The following HECW2 variants were observed in gnomAD, a reference collection of about 807,000 sequenced individuals.
HECW2 encodes the protein E3 ubiquitin-protein ligase HECW2.
Under a neutral mutation model 175.2 loss-of-function variants are expected in HECW2, and 61 were observed. The ratio of observed to expected loss-of-function variants is 0.35; its 90% CI spans 0.28 to 0.43. The LOEUF is 0.43. Among genes scored for constraint, HECW2 ranks in the 20% least tolerant of loss-of-function variants. HECW2 has a pLI of 1.00. For synonymous variants in HECW2, 671 were observed against 731.0 expected, an observed-to-expected ratio of 0.92 and a Z score of 1.32; for missense variants, 1,524 against 2,000.5, an observed-to-expected ratio of 0.76 and a Z score of 4.54.
chr2:196,440,710 T>C (rs1253752371), intron 1 of HECW2, among the ~76,000 whole-genome samples: 1 of 152,174 alleles, frequency 6.6e-6, no homozygotes, highest in Non-Finnish European at 1.5e-5. Flanking sequence ...CAGAAAATTA[T>C]CCACGTTCTT....
intron 1 of HECW2, among the ~76,000 whole-genome samples, chr2:196,527,131 C>T (rs1055836987): frequency 1.3e-5 from 2 of 152,224 alleles, no homozygotes; most frequent in Admixed American, 6.5e-5. Context: ...ATCAGCGAGA[C>T]TCCGTGAGCC....
At chr2:196,406,605 T>C (rs765663129) in intron 2 of HECW2, among the ~76,000 whole-genome samples, 1 of 152,226 alleles carries the variant, frequency 6.6e-6, no homozygotes, top group Non-Finnish European at 1.5e-5. Context: ...AAACTCCTTA[T>C]GTTGGTTGAC....
Position 196,517,338 on chromosome 2 carries a change from C to T in HECW2, c.-36+76170G>A, listed in dbSNP as rs1330928545. ...GGAGAAAATTAGAGAAGAATCATAC[C>T]CTTTATACTAAATCACTTTCAAACT... On this transcript the variant is annotated intron_variant, in intron 1 of 28. Coordinates refer to ENST00000644978, the MANE Select transcript of HECW2 (RefSeq NM_001348768.2). Among the ~76,000 whole-genome samples the T allele has an allele frequency of 2.6e-5, 4 of 152,014 alleles. No individual in the cohort carries two copies. In the East Asian group the frequency reaches 5.8e-4, roughly 22 times the overall value.
intron 2 of HECW2, among the ~76,000 whole-genome samples, chr2:196,392,077 AG>A (rs1287084878): frequency 6.6e-6 from 1 of 152,238 alleles, no homozygotes; most frequent in East Asian, 1.9e-4. Context: ...AGATTCAGGA[AG>A]ACATGACTTA....
chr2:196,563,304 G>A (rs1482836385), intron 1 of HECW2, among the ~76,000 whole-genome samples: 2 of 151,866 alleles, frequency 1.3e-5, no homozygotes, highest in East Asian at 1.9e-4. Context: ...GGTGGCTCAC[G>A]CTTGTAATCC....
At chr2:196,371,764 G>A (rs1274981927) in intron 2 of HECW2, among the ~76,000 whole-genome samples, 3 of 152,278 alleles carry the variant, frequency 2.0e-5, no homozygotes, top group South Asian at 4.1e-4. Context: ...GAGAAGAACC[G>A]GCCTTCTTGG....
At chr2:196,305,872 C>T (rs988877599) in intron 13 of HECW2, among the ~76,000 whole-genome samples, 2 of 152,170 alleles carry the variant, frequency 1.3e-5, no homozygotes, top group African/African-American at 4.8e-5. Context: ...TTCTAAATCA[C>T]TTCATGTGCA....
chr2:196,217,419 C>T, intron 26 of HECW2: 1 of 220,324 alleles, frequency 4.5e-6, no homozygotes, highest in Non-Finnish European at 9.0e-6. Context: ...AAATACTTAA[C>T]TCTTTCGGTC....
intron 14 of HECW2, among the ~76,000 whole-genome samples, chr2:196,287,433 G>C (rs1300035678): frequency 6.6e-6 from 1 of 152,050 alleles, no homozygotes; most frequent in Non-Finnish European, 1.5e-5. Flanking sequence ...CTTGATTTAG[G>C]CCCAAAGAGA....
rs1164912715 is a variant in HECW2 at position 196,282,309 on chromosome 2, T to C, written c.3001-3647A>G. On this transcript the variant is annotated intron_variant, in intron 14 of 28. Coordinates refer to ENST00000644978, the MANE Select transcript of HECW2 (RefSeq NM_001348768.2). The stretch of plus-strand genomic sequence containing the variant: ...CACAAATTTAATAGTGGAGCTCCAG[T>C]AGCCATACTGAACCATGGTGATTGT... 2.6e-5 allele frequency among the ~76,000 whole-genome samples: 4 copies of C among 152,320 alleles called. No individual in the cohort carries two copies. The East Asian group carries it at 7.7e-4, about 29-fold the overall frequency.
At chr2:196,209,809 G>C (rs1687201785) in intron 28 of HECW2, among the ~76,000 whole-genome samples, 1 of 149,944 alleles carries the variant, frequency 6.7e-6, no homozygotes, top group Non-Finnish European at 1.5e-5. Context: ...TGTCGCCCAG[G>C]CTGGAGCGCA....
intron 1 of HECW2, among the ~76,000 whole-genome samples, chr2:196,593,260 G>A (rs1467468096): frequency 1.3e-5 from 2 of 151,474 alleles, no homozygotes; most frequent in African/African-American, 4.8e-5. Context: ...CGAAGCCATG[G>A]CTCCCGCCCG....
intron 2 of HECW2, among the ~76,000 whole-genome samples, chr2:196,402,602 A>G (rs1165932203): frequency 6.6e-6 from 1 of 152,158 alleles, no homozygotes; most frequent in Non-Finnish European, 1.5e-5. Context: ...ATTCAATGAT[A>G]TATTTTTCAT....
intron 10 of HECW2, among the ~76,000 whole-genome samples, chr2:196,309,760 T>C (rs911190251): frequency 6.6e-6 from 1 of 152,074 alleles, no homozygotes; most frequent in Non-Finnish European, 1.5e-5. Flanking sequence ...AATAGGTCAA[T>C]TCAGGATAAA....
At chr2:196,528,281 CAATT>C (rs894115470) in intron 1 of HECW2, among the ~76,000 whole-genome samples, 2 of 152,030 alleles carry the variant, frequency 1.3e-5, no homozygotes, top group African/African-American at 4.8e-5. Context: ...CATTACCAAG[CAATT>C]AATTAAATAT....
chr2:196,325,168 AAGGAGGGAGGGACAAAGAGAAAGC>A lies in HECW2; in HGVS notation c.572-43_572-20del. On this transcript the variant is annotated intron_variant, in intron 5 of 28. Coordinates refer to ENST00000644978, the MANE Select transcript of HECW2 (RefSeq NM_001348768.2). ...CTAAGATCTTTAAAGAAAGAGGGAGAAGGAGGGAGGGACAAAGAGAAAGCAGGAGGGAGGGAGGAAAGAAAGGAG... is the reference window on the plus strand; with the variant it reads ...CTAAGATCTTTAAAGAAAGAGGGAGAAGGAGGGAGGGAGGAAAGAAAGGAG... The A allele has an allele frequency of 1.9e-6, 3 of 1,556,644 alleles. No homozygotes were observed. The highest frequency in any genetic ancestry group is 2.3e-5 in the East Asian group (1 of 43,538).
chr2:196,507,488 TA>T (rs1687808779), intron 1 of HECW2, among the ~76,000 whole-genome samples: 1 of 152,190 alleles, frequency 6.6e-6, no homozygotes, highest in Non-Finnish European at 1.5e-5. Context: ...TAGCATACAG[TA>T]GTTAGAGGCC....
intron 13 of HECW2, among the ~76,000 whole-genome samples, chr2:196,299,556 C>T (rs960939833): frequency 6.6e-6 from 1 of 152,170 alleles, no homozygotes. Context: ...GGGACCCACT[C>T]CAGACCTACT....
intron 1 of HECW2, among the ~76,000 whole-genome samples, chr2:196,459,665 C>CA (rs1696660298): frequency 6.6e-6 from 1 of 152,138 alleles, no homozygotes; most frequent in African/African-American, 2.4e-5. Context: ...TGATGTCAAT[C>CA]AACCTCCTGA....
Sources: gnomAD v4.1 joint callset for allele counts (sites outside exome capture counted in the v4.1 genomes callset) on GRCh38, gnomAD v4.1.1 for gene constraint, MANE v1.5 for transcripts, NCBI Gene and HGNC (gene_info 2026-07-23, HGNC 2026-07-21) for gene names.